The following PTPN20 variants were observed in gnomAD, a reference collection of about 807,000 sequenced individuals.
PTPN20 encodes the protein tyrosine-protein phosphatase non-receptor type 20.
PTPN20 carries 9 observed loss-of-function variants against 35.0 expected under a neutral mutation model. That is an observed-to-expected ratio of 0.26 (90% confidence interval 0.15 to 0.45). The LOEUF is 0.45. Ranked by LOEUF, PTPN20 falls within the 20% of genes least tolerant of loss-of-function variation. The probability of loss-of-function intolerance (pLI) is 1.00; values close to 1 mark genes in which losing one functional copy is unlikely to be tolerated. For synonymous variants in PTPN20, 32 were observed against 100.2 expected (o/e 0.32, Z 4.06); for missense variants, 111 against 312.5 (o/e 0.36, Z 4.86).
At chr10:46,955,350 AATC>A (rs1331178046) in intron 5 of PTPN20, 2 of 148,696 alleles carry the variant, frequency 1.3e-5, no homozygotes, top group African/African-American at 2.5e-5. Context: ...TGAAGTATAA[AATC>A]ATCATCCATG....
intron 9 of PTPN20, among the ~76,000 whole-genome samples, chr10:46,998,613 GCATGCACA>G (rs1261971779): frequency 7.0e-6 from 1 of 143,270 alleles, no homozygotes; most frequent in African/African-American, 2.5e-5. Flanking sequence ...GGAGCTCTGT[GCATGCACA>G]CATGCACACA....
At chr10:46,936,270 C>T (rs2041621699) in intron 2 of PTPN20, among the ~76,000 whole-genome samples, 1 of 151,686 alleles carries the variant, frequency 6.6e-6, no homozygotes, top group Non-Finnish European at 1.5e-5. Context: ...GGGAGGAGTC[C>T]CTCTTCCTAA....
At chr10:46,994,991 A>C (rs2058782376) in intron 9 of PTPN20, among the ~76,000 whole-genome samples, 2 of 152,118 alleles carry the variant, frequency 1.3e-5, no homozygotes, top group South Asian at 2.1e-4. Context: ...CTCTTTGTTA[A>C]GTTTGTCTAA....
chr10:46,938,097 C>T (rs1287495398), intron 2 of PTPN20, among the ~76,000 whole-genome samples: 46 of 152,022 alleles, frequency 3.0e-4, no homozygotes, highest in Non-Finnish European at 4.7e-4. Context: ...ATTGCAGGTG[C>T]GCACCACCAT....
At chr10:46,994,648 C>T (rs2058722027) in intron 9 of PTPN20, among the ~76,000 whole-genome samples, 1 of 152,026 alleles carries the variant, frequency 6.6e-6, no homozygotes. Context: ...TGCTCTTATA[C>T]CTGAATATTT....
At chr10:46,941,984 G>T (rs1429719175) in intron 3 of PTPN20, among the ~76,000 whole-genome samples, 1 of 57,044 alleles carries the variant, frequency 1.8e-5, no homozygotes, top group Admixed American at 2.2e-4. Flanking sequence ...GGAGCATAAA[G>T]AAATTTTTTT....
chr10:47,002,607 A>T (rs981144802), downstream of PTPN20: 111 of 152,130 alleles, frequency 7.3e-4, no homozygotes, highest in African/African-American at 2.6e-3. Context: ...TGTGAACATG[A>T]AATTTTCATT....
chr10:46,945,016 C>T lies in PTPN20; in HGVS notation c.227+1001C>T, dbSNP rs1555139669. Among the ~76,000 whole-genome samples, 3 of 142,498 alleles carry T rather than the reference C, an allele frequency of 2.1e-5. 1 individual carries two copies. The highest frequency in any genetic ancestry group is 8.9e-5 in the African/African-American group (3 of 33,870). The allele number at this position is 142,498 out of a possible 152,430, so 93.5% of individuals were successfully genotyped here. A position where few individuals can be genotyped will look rare whatever the true frequency, so the allele number is the denominator to read the frequency against. Reference sequence around the variant, plus strand: ...ACCTAGCAGGTGAAAAAGAGAAGAACATTTCAGGCAAGAGGGAGAAGTTTG... The same window carrying T: ...ACCTAGCAGGTGAAAAAGAGAAGAATATTTCAGGCAAGAGGGAGAAGTTTG... On this transcript the variant is annotated intron_variant, in intron 4 of 10. Coordinates refer to ENST00000374339, the MANE Select transcript of PTPN20 (RefSeq NM_001042357.5).
chr10:46,986,337 T>C (rs534021766), intron 8 of PTPN20, among the ~76,000 whole-genome samples: 1 of 145,010 alleles, frequency 6.9e-6, no homozygotes, highest in East Asian at 2.0e-4. Flanking sequence ...AGTTGACACA[T>C]AAAATTAACT....
chr10:46,947,690 C>G (rs1457855234), intron 5 of PTPN20, among the ~76,000 whole-genome samples: 5 of 151,340 alleles, frequency 3.3e-5, no homozygotes, highest in African/African-American at 1.2e-4. Context: ...TATTTTCATT[C>G]TCTTTACTTT....
rs891779129 is a variant in PTPN20 at position 46,999,052 on chromosome 10, C to T, written c.1135-860C>T. On this transcript the variant is annotated intron_variant, in intron 9 of 10. Transcript: ENST00000374339. ...AGATTGCAGTGAAATATGATGACAC[C>T]GCTGTACTCCAGCAGCTGAGACAAC... 1.4e-4 allele frequency among the ~76,000 whole-genome samples: 22 copies of T among 152,122 alleles called. No individual in the cohort carries two copies. In the East Asian group the frequency reaches 1.9e-3, roughly 13 times the overall value.
intron 5 of PTPN20, among the ~76,000 whole-genome samples, chr10:46,957,678 G>A (rs1272403193): frequency 4.7e-5 from 7 of 149,138 alleles, no homozygotes; most frequent in Non-Finnish European, 8.9e-5. Context: ...GGAGGCAGAG[G>A]TTGCAGTGAT....
intron 9 of PTPN20, among the ~76,000 whole-genome samples, chr10:46,992,507 G>A (rs1212603158): frequency 6.6e-6 from 1 of 152,062 alleles, no homozygotes; most frequent in Non-Finnish European, 1.5e-5. Context: ...CCTCATCTTG[G>A]TCTATTCCGT....
At position 46,985,454 on chromosome 10, in the gene PTPN20, A is replaced by AT. The variant is rs1292817212; in HGVS notation, c.918+891dup. Among the ~76,000 whole-genome samples the AT allele has an allele frequency of 3.4e-5, 5 of 148,348 alleles. No homozygotes were observed. In the East Asian group the frequency reaches 9.8e-4, roughly 29 times the overall value. The stretch of plus-strand genomic sequence containing the variant: ...AGAGGAGGGGTTGAAAATATATTCA[A>AT]TACAGTAACCACATGTGGATATTTA... On this transcript the variant is annotated intron_variant, in intron 8 of 10. Transcript: ENST00000374339.
At chr10:46,945,499 G>A (rs2044473326) in intron 4 of PTPN20, among the ~76,000 whole-genome samples, 1 of 152,230 alleles carries the variant, frequency 6.6e-6, no homozygotes, top group Non-Finnish European at 1.5e-5. Flanking sequence ...TAGGAAATCA[G>A]TGGAGATGGT....
At chr10:46,937,922 TTTTTTTCTTCTTTTTTCTTTTTCTTTTC>T (rs2042207467) in intron 2 of PTPN20, among the ~76,000 whole-genome samples, 1 of 143,940 alleles carries the variant, frequency 6.9e-6, no homozygotes, top group African/African-American at 2.6e-5. Flanking sequence ...TTTTCTTTTC[TTTTTTTCTTCTTTTTTCTTTTTCTTTTC>T]TTTTTTTTTT....
In PTPN20 at chr10:47,000,662, A is replaced by G. The variant is rs1406171190; in HGVS notation, c.1198-14A>G. The G allele has an allele frequency of 6.2e-6, 10 of 1,612,524 alleles. No individual in the cohort carries two copies. The highest frequency in any genetic ancestry group is 1.3e-5 in the African/African-American group (1 of 74,846). On this transcript the variant is annotated splice_polypyrimidine_tract_variant and intron_variant, in intron 10 of 10. Transcript: ENST00000374339. ...TACTTAACATTCTGTTGTTTTTTAT[A>G]TATATGTATATAGGAGCAGTATCAC...
In PTPN20 at chr10:46,918,595, T is replaced by A. The variant is rs1300518345; in HGVS notation, c.-124+7094T>A. Among the ~76,000 whole-genome samples the A allele has an allele frequency of 1.6e-5, 2 of 127,094 alleles. 1 individual carries two copies. Among genetic ancestry groups the A allele is most frequent in the African/African-American group, 7.6e-5 (2 of 26,394 alleles). The allele number at this position is 127,094 out of a possible 152,430, so 83.4% of individuals were successfully genotyped here. ...ATGTTGTATTTTTACCTTCATTCAATTCAGAATATTGTGTAATTTCCTTTG... is the reference window on the plus strand; with the variant it reads ...ATGTTGTATTTTTACCTTCATTCAAATCAGAATATTGTGTAATTTCCTTTG... On this transcript the variant is annotated intron_variant, in intron 1 of 10. Transcript: ENST00000374339.
chr10:46,995,787 A>T (rs1052400966), intron 9 of PTPN20, among the ~76,000 whole-genome samples: 14 of 152,186 alleles, frequency 9.2e-5, no homozygotes, highest in Admixed American at 5.2e-4. Flanking sequence ...AGAAATCATG[A>T]ATCAGGTGGA....
Sources: gnomAD v4.1 joint callset for allele counts (sites outside exome capture counted in the v4.1 genomes callset) on GRCh38, gnomAD v4.1.1 for gene constraint, MANE v1.5 for transcripts, NCBI Gene and HGNC (gene_info 2026-07-23, HGNC 2026-07-21) for gene names.